The following GLB1 variants were observed in gnomAD, a reference collection of about 807,000 sequenced individuals.
GLB1 encodes galactosidase beta 1.
GLB1 carries 56 observed loss-of-function variants against 74.0 expected under a neutral mutation model. The ratio of observed to expected loss-of-function variants is 0.76; its 90% CI spans 0.61 to 0.94. GLB1 has a LOEUF of 0.94. GLB1 is among the 40% of genes least tolerant of loss of function. GLB1 has a pLI of 0.00. For missense variants in GLB1, 787 were observed against 845.5 expected (o/e 0.93, Z 0.86); for synonymous variants, 323 against 323.6 (o/e 1.00, Z 0.02).
intron 10 of GLB1, among the ~76,000 whole-genome samples, chr3:33,043,351 G>A (rs1475658052): frequency 2.0e-5 from 3 of 152,242 alleles, no homozygotes; most frequent in East Asian, 1.9e-4. Flanking sequence ...ACAGGGCTGC[G>A]CTCCCGTTGC....
At chr3:33,088,828 A>G (rs1174071283) in intron 1 of GLB1, among the ~76,000 whole-genome samples, 1 of 152,236 alleles carries the variant, frequency 6.6e-6, no homozygotes, top group East Asian at 1.9e-4. Context: ...CAAATAGACT[A>G]AAGTCTTGAA....
chr3:33,092,934 G>A, intron 1 of GLB1: 1 of 1,614,216 alleles, frequency 6.2e-7, no homozygotes, highest in Non-Finnish European at 8.5e-7. Context: ...ATACACGAAT[G>A]TAGCCTGGGC....
chr3:33,087,485 G>A (rs1046775311), intron 1 of GLB1, among the ~76,000 whole-genome samples: 2 of 151,930 alleles, frequency 1.3e-5, no homozygotes, highest in African/African-American at 4.8e-5. Context: ...AAGGAGAATC[G>A]CTTGAACCTG....
chr3:33,067,607 C>A (rs1699738230), intron 4 of GLB1, among the ~76,000 whole-genome samples: 1 of 152,144 alleles, frequency 6.6e-6, no homozygotes, highest in South Asian at 2.1e-4. Context: ...GAGGTGCTAT[C>A]ATTGGCTGTG....
downstream of GLB1, among the ~76,000 whole-genome samples, chr3:32,994,085 G>A (rs1451898540): frequency 6.6e-6 from 1 of 152,172 alleles, no homozygotes; most frequent in African/African-American, 2.4e-5. Context: ...ATCTATCCAA[G>A]AGAAATGAAA....
At position 33,093,498 on chromosome 3, in the gene GLB1, A is replaced by T; in HGVS notation, c.75+3513T>A. 1 of 1,614,106 alleles carries T rather than the reference A, an allele frequency of 6.2e-7. No homozygotes were observed. The highest frequency in any genetic ancestry group is 8.5e-7 in the Non-Finnish European group (1 of 1,180,028). On this transcript the variant is annotated intron_variant, in intron 1 of 15. Coordinates refer to ENST00000307363, the MANE Select transcript of GLB1 (RefSeq NM_000404.4). This position sits in a 1 kb window ranked among gnomAD's most constrained non-coding sequence, Gnocchi z 6.0. The stretch of plus-strand genomic sequence containing the variant: ...CGTGATGTCTGGTTCCAGCACATTC[A>T]CCATCCTCACAAACATTTCCATCTT...
At chr3:32,994,612 T>C (rs993880034), downstream of GLB1, among the ~76,000 whole-genome samples, 51 of 152,248 alleles carry the variant, frequency 3.3e-4, no homozygotes, top group Non-Finnish European at 1.6e-4. Context: ...CAGGTGGCAC[T>C]ATCTATGTAT....
At chr3:32,980,263 G>A in the GLB1 span, among the ~76,000 whole-genome samples, 1 of 151,988 alleles carries the variant, frequency 6.6e-6, no homozygotes, top group Non-Finnish European at 1.5e-5. Context: ...TGTTGTTCAG[G>A]CTTGCCTGGA....
rs148029484 is a variant in GLB1, at chr3:33,033,942, G to A, written c.1069-9617C>T. ...GCCCAGATGGACTACTATGGCACCC[G>A]CCTGGCAACCTGCTCATCAGAAAAA... On this transcript the variant is annotated intron_variant, in intron 10 of 15. Transcript: ENST00000307363. 2.1e-3 allele frequency: 1,166 copies of A among 551,684 alleles called. 14 individuals are homozygous for A. The highest frequency in any genetic ancestry group is 9.3e-3 in the South Asian group (650 of 70,124). The allele number at this position is 551,684 out of a possible 1,614,324, so 34.2% of individuals were successfully genotyped here.
chr3:33,068,495 T>C lies in GLB1; in HGVS notation c.397-205A>G, dbSNP rs185087796. 1.6e-4 allele frequency among the ~76,000 whole-genome samples: 24 copies of C among 152,330 alleles called. No homozygotes were observed. The East Asian group carries it at 1.7e-3, about 11-fold the overall frequency. On this transcript the variant is annotated intron_variant, in intron 3 of 15. Coordinates refer to ENST00000307363, the MANE Select transcript of GLB1 (RefSeq NM_000404.4). The stretch of plus-strand genomic sequence containing the variant: ...AAGATCACTCTGCATGAATGCAATG[T>C]TTTAAGGACCAAAGCCCTTTTCATA...
At chr3:33,050,527 G>T (rs1231354498) in intron 9 of GLB1, among the ~76,000 whole-genome samples, 1 of 152,240 alleles carries the variant, frequency 6.6e-6, no homozygotes, top group African/African-American at 2.4e-5. Flanking sequence ...CTAAATGAAA[G>T]AAGTCATACA....
At chr3:33,030,833 C>T (rs1325583370) in intron 10 of GLB1, 1 of 985,210 alleles carries the variant, frequency 1.0e-6, no homozygotes, top group Non-Finnish European at 1.2e-6. Context: ...AGAAACAAAA[C>T]TCTTAAAATG....
chr3:33,068,618 G>A (rs1417338682), intron 3 of GLB1, among the ~76,000 whole-genome samples: 1 of 152,100 alleles, frequency 6.6e-6, no homozygotes, highest in African/African-American at 2.4e-5. Context: ...GTATGTGAGT[G>A]ACCACCAAGA....
intron 15 of GLB1, among the ~76,000 whole-genome samples, chr3:33,002,695 C>T (rs568426805): frequency 1.3e-5 from 2 of 152,278 alleles, no homozygotes; most frequent in Non-Finnish European, 2.9e-5. Context: ...AGGTGTGAGC[C>T]TCTGTGCCTG....
At chr3:33,050,298 TAC>T (rs962276498) in intron 9 of GLB1, among the ~76,000 whole-genome samples, 14 of 152,214 alleles carry the variant, frequency 9.2e-5, no homozygotes, top group Non-Finnish European at 1.5e-4. Flanking sequence ...CTTCTTGGTA[TAC>T]ACCCAAAGGA....
intron 1 of GLB1, among the ~76,000 whole-genome samples, chr3:33,073,233 A>G (rs1251284148): frequency 6.6e-6 from 1 of 152,162 alleles, no homozygotes; most frequent in Non-Finnish European, 1.5e-5. Flanking sequence ...AGTGACCTGG[A>G]TAAGTCCCAT....
chr3:33,069,729 T>C (rs1699823754), intron 2 of GLB1, among the ~76,000 whole-genome samples: 1 of 152,232 alleles, frequency 6.6e-6, no homozygotes, highest in Non-Finnish European at 1.5e-5. Flanking sequence ...CTTTCTTGAC[T>C]GACCGTAAAC....
intron 12 of GLB1, among the ~76,000 whole-genome samples, chr3:33,019,258 A>T (rs1458107847): frequency 2.0e-5 from 3 of 152,238 alleles, no homozygotes; most frequent in Non-Finnish European, 4.4e-5. Context: ...ATATTTTTAG[A>T]TGCTGACATC....
At chr3:33,076,157 G>A (rs1301102935) in intron 1 of GLB1, among the ~76,000 whole-genome samples, 1 of 152,174 alleles carries the variant, frequency 6.6e-6, no homozygotes, top group Non-Finnish European at 1.5e-5. Context: ...ATGATGTAAT[G>A]TGCAGCCAAG....
Sources: gnomAD v4.1 joint callset for allele counts (sites outside exome capture counted in the v4.1 genomes callset) on GRCh38, gnomAD v4.1.1 for gene constraint, Gnocchi (gnomAD v3.1) non-coding constraint, MANE v1.5 for transcripts, NCBI Gene and HGNC (gene_info 2026-07-23, HGNC 2026-07-21) for gene names.